The following SYN3 variants were observed in gnomAD, a reference collection of about 807,000 sequenced individuals.
The protein encoded by SYN3 is synapsin III, also known as synapsin-3.
SYN3 carries 35 observed loss-of-function variants against 65.8 expected under a neutral mutation model. That is an observed-to-expected ratio of 0.53 (90% CI 0.41 to 0.70). SYN3 has a LOEUF of 0.70. Ranked by LOEUF, SYN3 falls within the 30% of genes least tolerant of loss-of-function variation. The pLI, the probability that SYN3 is intolerant of heterozygous loss-of-function variation, is 0.00. For synonymous variants in SYN3, 270 were observed against 292.9 expected (o/e 0.92, Z 0.80); for missense variants, 680 against 749.0 (o/e 0.91, Z 1.08).
At chr22:32,731,843 T>G (rs989489380) in intron 6 of SYN3, among the ~76,000 whole-genome samples, 1 of 152,172 alleles carries the variant, frequency 6.6e-6, no homozygotes, top group African/African-American at 2.4e-5. Flanking sequence ...TATTTAGAAC[T>G]CAAGGCTCTG....
At chr22:32,809,046 G>A (rs1237299766) in intron 6 of SYN3, among the ~76,000 whole-genome samples, 3 of 152,192 alleles carry the variant, frequency 2.0e-5, no homozygotes, top group African/African-American at 7.2e-5. Flanking sequence ...AACCCTGCAG[G>A]AGATCACAAA....
chr22:32,877,935 C>G (rs371716687), intron 4 of SYN3, among the ~76,000 whole-genome samples: 9 of 152,262 alleles, frequency 5.9e-5, no homozygotes, highest in African/African-American at 9.6e-5. Context: ...TCCTTGGTGC[C>G]AGGAATAATT....
chr22:32,583,052 G>T (rs1186654485), intron 7 of SYN3, among the ~76,000 whole-genome samples: 6 of 152,088 alleles, frequency 3.9e-5, no homozygotes, highest in Non-Finnish European at 8.8e-5. Context: ...GAGGTCTCCT[G>T]GGGGTGAAGA....
chr22:32,871,345 G>A (rs1351251666), intron 4 of SYN3, among the ~76,000 whole-genome samples: 1 of 152,122 alleles, frequency 6.6e-6, no homozygotes, highest in Admixed American at 6.5e-5. Context: ...CTCTCTCCAG[G>A]GCTTCCAAAA....
intron 4 of SYN3, among the ~76,000 whole-genome samples, chr22:32,900,972 T>C (rs1336591474): frequency 2.0e-5 from 3 of 152,242 alleles, no homozygotes; most frequent in African/African-American, 7.2e-5. Context: ...CCAATAGATG[T>C]ATCTAGCATA....
chr22:32,994,262 GC>G (rs1257480151), intron 2 of SYN3, among the ~76,000 whole-genome samples: 1 of 152,110 alleles, frequency 6.6e-6, no homozygotes, highest in African/African-American at 2.4e-5. Flanking sequence ...GCTGAGGAAT[GC>G]CCAGGACCCC....
At chr22:32,836,790 G>A (rs1281088964) in intron 6 of SYN3, among the ~76,000 whole-genome samples, 1 of 152,168 alleles carries the variant, frequency 6.6e-6, no homozygotes, top group Non-Finnish European at 1.5e-5. Flanking sequence ...ACTTAAAGGT[G>A]AGGAAAGCCT....
At chr22:32,650,279 C>CTTTTTTTTTTTT (rs1371405589) in intron 6 of SYN3, among the ~76,000 whole-genome samples, 2 of 111,818 alleles carry the variant, frequency 1.8e-5, no homozygotes, top group South Asian at 6.9e-4. Flanking sequence ...CTCTCTCTTT[C>CTTTTTTTTTTTT]TTTTTGAGAC....
chr22:33,035,448 C>T (rs2053842323), intron 1 of SYN3, among the ~76,000 whole-genome samples: 1 of 150,706 alleles, frequency 6.6e-6, no homozygotes, highest in Non-Finnish European at 1.5e-5. Flanking sequence ...TCAGCCAGGT[C>T]CCCGTGGAAA....
intron 1 of SYN3, among the ~76,000 whole-genome samples, chr22:33,007,661 C>A (rs2053230321): frequency 6.6e-6 from 1 of 152,190 alleles, no homozygotes; most frequent in African/African-American, 2.4e-5. Context: ...CAGGAGAGAG[C>A]CCTCACCAGA....
At chr22:32,661,968 T>C (rs1243800097) in intron 6 of SYN3, among the ~76,000 whole-genome samples, 1 of 152,192 alleles carries the variant, frequency 6.6e-6, no homozygotes, top group Non-Finnish European at 1.5e-5. Context: ...TTCCATGGAA[T>C]GTGACAGATG....
chr22:32,954,058 C>T (rs2051370116), intron 3 of SYN3, among the ~76,000 whole-genome samples: 1 of 151,958 alleles, frequency 6.6e-6, no homozygotes, highest in Admixed American at 6.6e-5. Context: ...TGATAGTCGC[C>T]CCTTCCTGCT....
intron 6 of SYN3, among the ~76,000 whole-genome samples, chr22:32,619,409 T>A (rs1179311592): frequency 1.3e-5 from 2 of 152,210 alleles, no homozygotes; most frequent in Non-Finnish European, 2.9e-5. Flanking sequence ...AATACCAGGT[T>A]TTGAATTGGG....
Position 32,658,551 on chromosome 22 carries a change from T to C in SYN3, c.712-61815A>G, listed in dbSNP as rs906656028. Among the ~76,000 whole-genome samples the C allele has an allele frequency of 6.1e-3, 936 of 152,306 alleles. 9 individuals carry two copies. Among genetic ancestry groups the C allele is most frequent in the African/African-American group, 0.022 (909 of 41,566 alleles). ...CTCACGCTCATTGAAGGCTTTGCAATTTACACAGGCTACAGGATGACTGTG... is the reference window on the plus strand; with the variant it reads ...CTCACGCTCATTGAAGGCTTTGCAACTTACACAGGCTACAGGATGACTGTG... On this transcript the variant is annotated intron_variant, in intron 6 of 13. Transcript: ENST00000358763.
intron 6 of SYN3, among the ~76,000 whole-genome samples, chr22:32,770,268 C>G (rs540527775): frequency 4.3e-4 from 65 of 152,344 alleles, no homozygotes; most frequent in African/African-American, 1.5e-3. Context: ...TATTTCTGTT[C>G]TTGCCCCACA....
intron 6 of SYN3, among the ~76,000 whole-genome samples, chr22:32,640,244 A>G (rs2059876650): frequency 6.6e-6 from 1 of 152,076 alleles, no homozygotes; most frequent in South Asian, 2.1e-4. Context: ...ATGAACCTCT[A>G]TTGTAGCATT....
At chr22:32,827,343 A>G (rs1489426722) in intron 6 of SYN3, among the ~76,000 whole-genome samples, 1 of 152,244 alleles carries the variant, frequency 6.6e-6, no homozygotes, top group African/African-American at 2.4e-5. Context: ...ACAGCTGCAT[A>G]GCTCAGGCTG....
intron 2 of SYN3, among the ~76,000 whole-genome samples, chr22:32,983,783 G>A (rs1358459338): frequency 2.6e-5 from 4 of 152,082 alleles, no homozygotes; most frequent in Non-Finnish European, 5.9e-5. Flanking sequence ...GAAGTGCCTG[G>A]GGCAAAGCGA....
chr22:32,695,682 T>C (rs1360493656), intron 6 of SYN3, among the ~76,000 whole-genome samples: 1 of 152,204 alleles, frequency 6.6e-6, no homozygotes, highest in Non-Finnish European at 1.5e-5. Context: ...CCACCTCACC[T>C]CTAAGACATT....
Sources: allele counts gnomAD v4.1 joint callset (sites outside exome capture counted in the v4.1 genomes callset), GRCh38; gene constraint gnomAD v4.1.1; transcripts MANE v1.5; gene names NCBI Gene and HGNC (gene_info 2026-07-23, HGNC 2026-07-21).